TNNI3K: variants seen among roughly 807,000 people sequenced by gnomAD.
TNNI3K encodes the protein TNNI3 interacting kinase, also known as serine/threonine-protein kinase TNNI3K.
Under a neutral mutation model 114.5 loss-of-function variants are expected in TNNI3K, and 140 were observed. The ratio of observed to expected loss-of-function variants is 1.22; its 90% CI spans 1.07 to 1.41. The LOEUF is 1.41. TNNI3K is among the 40% of genes most tolerant of loss of function. The pLI is 0.00. For missense variants in TNNI3K, 1,125 were observed against 1,007.6 expected (o/e 1.12, Z -1.58); for synonymous variants, 347 against 347.5 (o/e 1.00, Z 0.02).
Position 74,271,838 on chromosome 1 carries a change from G to A in TNNI3K, c.444+130G>A, listed in dbSNP as rs1389611416. On this transcript the variant is annotated intron_variant, in intron 5 of 24. Transcript: ENST00000326637. ...TATTTTTTAGCTACTGAACACATTG[G>A]GGTAAAATTTAGCTGTATAAATGAG... The A allele has an allele frequency of 1.2e-5, 8 of 663,710 alleles. No individual in the cohort carries two copies. The African/African-American group carries it at 1.5e-4, about 12-fold the overall frequency. The allele number at this position is 663,710 out of a possible 1,614,324, so 41.1% of individuals were successfully genotyped here. A position where few individuals can be genotyped will look rare whatever the true frequency, so the allele number is the denominator to read the frequency against.
chr1:74,436,237 A>G (rs1202340521), intron 18 of TNNI3K, 105 bp downstream of exon 18: 49 of 1,387,272 alleles, frequency 3.5e-5, no homozygotes, highest in Non-Finnish European at 4.7e-5. Context: ...TGACAGCTAT[A>G]CTACACTGAA....
intron 5 of TNNI3K, among the ~76,000 whole-genome samples, chr1:74,318,354 C>A (rs867458119): frequency 6.6e-6 from 1 of 152,258 alleles, no homozygotes; most frequent in Non-Finnish European, 1.5e-5. Flanking sequence ...GTAATAAATT[C>A]TTTTTAAAAG....
chr1:74,247,473 G>C (rs1233609713), intron 2 of TNNI3K, among the ~76,000 whole-genome samples: 1 of 152,120 alleles, frequency 6.6e-6, no homozygotes, highest in Non-Finnish European at 1.5e-5. Context: ...GTATGAAAGG[G>C]GACACAAGCA....
chr1:74,298,778 C>G (rs1266075989), intron 5 of TNNI3K, among the ~76,000 whole-genome samples: 1 of 152,040 alleles, frequency 6.6e-6, no homozygotes, highest in Admixed American at 6.5e-5. Flanking sequence ...GTAGACATCT[C>G]ATGGCTAATA....
At chr1:74,417,525 C>T (rs1307917344) in intron 17 of TNNI3K, among the ~76,000 whole-genome samples, 1 of 152,084 alleles carries the variant, frequency 6.6e-6, no homozygotes, top group Non-Finnish European at 1.5e-5. Context: ...AAGTATCTCT[C>T]AGCCTTCTTC....
intron 17 of TNNI3K, among the ~76,000 whole-genome samples, chr1:74,396,563 G>T (rs1292924588): frequency 6.6e-6 from 1 of 152,212 alleles, no homozygotes; most frequent in African/African-American, 2.4e-5. Context: ...AGAGGGGAAT[G>T]ATTAGAAGGA....
intron 5 of TNNI3K, among the ~76,000 whole-genome samples, chr1:74,303,099 C>G (rs1067847): frequency 0.99 from 150,938 of 152,308 alleles, 74,809 homozygotes; most frequent in East Asian, 1. Flanking sequence ...CACTTAAGAA[C>G]TGTGCTAAAT....
chr1:74,330,347 T>A (rs955314690), intron 5 of TNNI3K, among the ~76,000 whole-genome samples: 2 of 152,094 alleles, frequency 1.3e-5, no homozygotes, highest in African/African-American at 4.8e-5. Flanking sequence ...AAGAGATAAC[T>A]CTAGACACTT....
In TNNI3K at chr1:74,445,826, G is replaced by C. The variant is rs141767458; in HGVS notation, c.2011+6204G>C. 7.7e-3 allele frequency among the ~76,000 whole-genome samples: 1,170 copies of C among 152,048 alleles called. 18 individuals are homozygous for C. The highest frequency in any genetic ancestry group is 0.027 in the African/African-American group (1,130 of 41,444). On this transcript the variant is annotated intron_variant, in intron 20 of 24. Transcript: ENST00000326637. ...GGGGTTTCACCATTTTAGCCAGGAT[G>C]GTCTCGATCTCCTGACCTCGTGATC...
intron 20 of TNNI3K, among the ~76,000 whole-genome samples, chr1:74,442,189 A>G (rs898868918): frequency 2.6e-5 from 4 of 151,868 alleles, no homozygotes; most frequent in Non-Finnish European, 5.9e-5. Context: ...TTTAATACAG[A>G]TGTCCAATTC....
chr1:74,280,104 T>C (rs888868467), intron 5 of TNNI3K, among the ~76,000 whole-genome samples: 1 of 152,138 alleles, frequency 6.6e-6, no homozygotes, highest in Non-Finnish European at 1.5e-5. Flanking sequence ...CACTGAAGGC[T>C]GGGTGCGGTG....
chr1:74,351,662 A>C (rs1023346086), intron 9 of TNNI3K, among the ~76,000 whole-genome samples: 2 of 151,878 alleles, frequency 1.3e-5, no homozygotes, highest in Non-Finnish European at 2.9e-5. Flanking sequence ...GGCTTTGTTC[A>C]TTTCTTTTTA....
intron 23 of TNNI3K, among the ~76,000 whole-genome samples, chr1:74,522,032 A>C (rs1015175567): frequency 6.6e-6 from 1 of 152,206 alleles, no homozygotes; most frequent in Non-Finnish European, 1.5e-5. Flanking sequence ...CATCCCTTCC[A>C]GTGATAGATG....
At chr1:74,411,460 A>G (rs994817706) in intron 17 of TNNI3K, among the ~76,000 whole-genome samples, 1 of 152,170 alleles carries the variant, frequency 6.6e-6, no homozygotes, top group Admixed American at 6.5e-5. Flanking sequence ...GGTCTAACAC[A>G]TAGGTCAAAT....
intron 17 of TNNI3K, among the ~76,000 whole-genome samples, chr1:74,398,355 T>C (rs1040356757): frequency 1.3e-5 from 2 of 152,120 alleles, no homozygotes; most frequent in Non-Finnish European, 2.9e-5. Context: ...GGAGAAGTTA[T>C]TGGGGTCCCC....
Position 74,369,588 on chromosome 1 carries a change from A to G in TNNI3K, c.1667+3A>G, listed in dbSNP as rs1046780856. 5 of 1,598,108 alleles carry G rather than the reference A, an allele frequency of 3.1e-6. No individual in the cohort carries two copies. The African/African-American group carries it at 6.7e-5, about 22-fold the overall frequency. ...TCCCTCCTTCATGAGCAGAAGAGGT[A>G]TGGGTCTTTTGTTCTGATTTATCCT... On this transcript the variant is annotated splice_donor_region_variant and intron_variant, in intron 16 of 24. Transcript: ENST00000326637.
intron 5 of TNNI3K, among the ~76,000 whole-genome samples, chr1:74,315,113 A>G (rs2100363993): frequency 6.6e-6 from 1 of 152,270 alleles, no homozygotes. Flanking sequence ...TGTGATTTGC[A>G]TACAAGTTAT....
intron 23 of TNNI3K, among the ~76,000 whole-genome samples, chr1:74,513,557 A>T (rs1029953422): frequency 6.6e-6 from 1 of 151,986 alleles, no homozygotes; most frequent in Non-Finnish European, 1.5e-5. Flanking sequence ...TTTTTTCTCT[A>T]TGCCAAACCT....
Position 74,336,147 on chromosome 1 carries a change from A to T in TNNI3K, c.680A>T (p.Asp227Val), listed in dbSNP as rs373725645. ...TTGATGGAAGAAGGCAGCAAAGCAG[A>T]TGGTAAGATTATATATTTAAAAGAC... ...KLLMEEGSKA[D>V]VNAQDNEDHV... Residue 227 changes from aspartate (D) to valine (V), a missense_variant and splice_region_variant, in exon 7 of 25, where the codon GAT (aspartate) becomes GTT (valine). Coordinates refer to ENST00000326637, the MANE Select transcript of TNNI3K (RefSeq NM_015978.3). 58 of 1,597,718 alleles carry T rather than the reference A, an allele frequency of 3.6e-5. No individual in the cohort carries two copies. The African/African-American group carries it at 6.6e-4, about 18-fold the overall frequency.
Sources: allele counts gnomAD v4.1 joint callset (sites outside exome capture counted in the v4.1 genomes callset), GRCh38; gene constraint gnomAD v4.1.1; transcripts MANE v1.5; gene names NCBI Gene and HGNC (gene_info 2026-07-23, HGNC 2026-07-21).